LIFR: variants seen among roughly 807,000 people sequenced by gnomAD.
LIFR encodes the protein LIF receptor subunit alpha, also known as leukemia inhibitory factor receptor.
In LIFR, 84 loss-of-function variants were observed where a neutral mutation model predicts 122.2. The observed-to-expected ratio is 0.69, with a 90% CI of 0.58 to 0.82. The LOEUF (loss-of-function observed/expected upper bound fraction) is 0.82. Ranked by LOEUF, LIFR falls within the 40% of genes least tolerant of loss-of-function variation. LIFR has a pLI of 0.00. For synonymous variants in LIFR, 422 were observed against 434.7 expected (o/e 0.97, Z 0.36); for missense variants, 1,294 against 1,311.6 (o/e 0.99, Z 0.21).
chr5:38,504,279 T>C (rs1745335055), intron 9 of LIFR, among the ~76,000 whole-genome samples, 158 bp from the exon 10 acceptor site: 1 of 152,102 alleles, frequency 6.6e-6, no homozygotes, highest in African/African-American at 2.4e-5. Flanking sequence ...ACCTAATTTC[T>C]ACTACTGACA....
chr5:38,594,686 T>C (rs1750040599), intron 1 of LIFR, among the ~76,000 whole-genome samples: 1 of 152,158 alleles, frequency 6.6e-6, no homozygotes, highest in South Asian at 2.1e-4. Context: ...CATAAAATAT[T>C]TTCAGGCACT....
At chr5:38,544,105 A>G (rs1747740576) in intron 1 of LIFR, among the ~76,000 whole-genome samples, 1 of 152,064 alleles carries the variant, frequency 6.6e-6, no homozygotes, top group African/African-American at 2.4e-5. Context: ...CCGAAGGAAA[A>G]AACACCCATC....
chr5:38,499,989 C>T (rs915370228), intron 11 of LIFR, among the ~76,000 whole-genome samples: 2 of 152,146 alleles, frequency 1.3e-5, no homozygotes, highest in Admixed American at 1.3e-4. Flanking sequence ...ATATGGCATG[C>T]TTCCTGATCT....
At chr5:38,592,908 T>C in intron 1 of LIFR, among the ~76,000 whole-genome samples, 1 of 151,728 alleles carries the variant, frequency 6.6e-6, no homozygotes, top group Non-Finnish European at 1.5e-5. Context: ...CAGGAAAGAA[T>C]CAAGGAGAAG....
rs750704154 is a variant in LIFR at position 38,504,128 on chromosome 5, A to G, written c.1292-7T>C. On this transcript the variant is annotated splice_region_variant and splice_polypyrimidine_tract_variant and intron_variant, in intron 9 of 19. Transcript: ENST00000453190. ...GTAGGAGTATGGGGATAAACTGCAAATATAATTTTTAAAGATTAAACACTT... is the reference window on the plus strand; with the variant it reads ...GTAGGAGTATGGGGATAAACTGCAAGTATAATTTTTAAAGATTAAACACTT... The G allele has an allele frequency of 6.6e-7, 1 of 1,508,114 alleles. No homozygotes were observed. Among genetic ancestry groups the G allele is most frequent in the South Asian group, 1.1e-5 (1 of 88,052 alleles). 93.4% of individuals were successfully genotyped at this position (1,508,114 alleles called of 1,614,324 possible). A position where few individuals can be genotyped will look rare whatever the true frequency, so the allele number is the denominator to read the frequency against.
At chr5:38,489,762 G>A (rs377353902) in intron 15 of LIFR, among the ~76,000 whole-genome samples, 18 of 151,584 alleles carry the variant, frequency 1.2e-4, no homozygotes, top group African/African-American at 3.9e-4. Context: ...GGAGGCTGAG[G>A]TGGGAGGATC....
At chr5:38,588,591 C>T (rs1186325708) in intron 1 of LIFR, among the ~76,000 whole-genome samples, 1 of 152,100 alleles carries the variant, frequency 6.6e-6, no homozygotes, top group Non-Finnish European at 1.5e-5. Flanking sequence ...GTAAGTTATG[C>T]AATTTTGCTC....
chr5:38,597,769 G>A (rs1051603277), upstream of LIFR, among the ~76,000 whole-genome samples: 4 of 152,196 alleles, frequency 2.6e-5, no homozygotes, highest in African/African-American at 4.8e-5. Context: ...GAGACGGAGC[G>A]TGGCAGTGGT....
At chr5:38,488,944 CT>C in intron 16 of LIFR, 133 bp downstream of exon 16, 2 of 699,338 alleles carry the variant, frequency 2.9e-6, no homozygotes, top group Non-Finnish European at 4.9e-6. Context: ...GAATTACTGC[CT>C]TTTCATTTCT....
At chr5:38,592,584 G>A (rs1329673274) in intron 1 of LIFR, among the ~76,000 whole-genome samples, 1 of 151,576 alleles carries the variant, frequency 6.6e-6, no homozygotes, top group Admixed American at 6.6e-5. Context: ...TTGAACCTGG[G>A]AGGTGGAGAT....
chr5:38,478,463 G>A lies in LIFR; in HGVS notation c.*3132C>T. On this transcript the variant is annotated 3_prime_UTR_variant, in exon 20 of 20. Transcript: ENST00000453190. ...ACAACTCAACTATCCAGATACTCAG[G>A]GCCACAATCTCAAATCTAGGGCTGT... 1 of 214,010 alleles carries A rather than the reference G, an allele frequency of 4.7e-6. No individual in the cohort carries two copies. The highest frequency in any genetic ancestry group is 9.5e-6 in the Non-Finnish European group (1 of 105,712). The allele number at this position is 214,010 out of a possible 1,614,324, so 13.3% of individuals were successfully genotyped here.
intron 13 of LIFR, among the ~76,000 whole-genome samples, chr5:38,495,778 A>G (rs1452946866): frequency 1.3e-5 from 2 of 152,356 alleles, no homozygotes; most frequent in East Asian, 1.9e-4. Context: ...TCAAGGCAGA[A>G]GCTGGGAAGA....
At chr5:38,530,145 T>C (rs1746924326) in intron 2 of LIFR, among the ~76,000 whole-genome samples, 1 of 152,166 alleles carries the variant, frequency 6.6e-6, no homozygotes. Flanking sequence ...GGGATGGGCC[T>C]GGGAGGGCTG....
chr5:38,576,702 A>T (rs555247689), intron 1 of LIFR, among the ~76,000 whole-genome samples: 2 of 152,356 alleles, frequency 1.3e-5, no homozygotes, highest in South Asian at 2.1e-4. Context: ...TTTGGCAGGT[A>T]TCACAATAGT....
intron 1 of LIFR, among the ~76,000 whole-genome samples, chr5:38,580,099 C>T (rs1237283024): frequency 6.6e-6 from 1 of 152,152 alleles, no homozygotes; most frequent in East Asian, 1.9e-4. Context: ...ATAAGTTCTG[C>T]AGTTATAAAT....
At chr5:38,521,485 A>G (rs1746395520) in intron 5 of LIFR, among the ~76,000 whole-genome samples, 2 of 152,176 alleles carry the variant, frequency 1.3e-5, no homozygotes, top group African/African-American at 4.8e-5. Flanking sequence ...TAAGTGGTCC[A>G]GTCTTTGGGT....
upstream of LIFR, among the ~76,000 whole-genome samples, chr5:38,595,987 C>T (rs1750088058): frequency 1.3e-5 from 2 of 151,960 alleles, no homozygotes; most frequent in Admixed American, 1.3e-4. Context: ...CCACCTGCCT[C>T]GGCCTCCCAA....
At chr5:38,546,252 A>G (rs1377291524) in intron 1 of LIFR, among the ~76,000 whole-genome samples, 2 of 152,226 alleles carry the variant, frequency 1.3e-5, no homozygotes, top group Admixed American at 1.3e-4. Context: ...AAACATATAT[A>G]CGCCATTACA....
Position 38,481,337 on chromosome 5 carries a change from G to C in LIFR, c.*258C>G. On this transcript the variant is annotated 3_prime_UTR_variant, in exon 20 of 20. Transcript: ENST00000453190. ...CCTTGAAATGCTTCTTGAAGGTAGA[G>C]TACATGAGAATTCTTTGGCTTGATC... 1.8e-6 allele frequency: 1 copy of C among 544,662 alleles called. No homozygotes were observed. The highest frequency in any genetic ancestry group is 2.1e-5 in the South Asian group (1 of 48,016). The allele number at this position is 544,662 out of a possible 1,614,324, so 33.7% of individuals were successfully genotyped here. A position where few individuals can be genotyped will look rare whatever the true frequency, so the allele number is the denominator to read the frequency against.
Sources: allele counts gnomAD v4.1 joint callset (sites outside exome capture counted in the v4.1 genomes callset), GRCh38; gene constraint gnomAD v4.1.1; transcripts MANE v1.5; gene names NCBI Gene and HGNC (gene_info 2026-07-23, HGNC 2026-07-21).